TAOK3: variants seen among roughly 807,000 people sequenced by gnomAD.
TAOK3 encodes the protein TAO kinase 3.
In TAOK3, 40 loss-of-function variants were observed where a neutral mutation model predicts 120.4. The ratio of observed to expected loss-of-function variants is 0.33; its 90% CI spans 0.26 to 0.43. TAOK3 has a LOEUF of 0.43. TAOK3 is among the 20% of genes least tolerant of loss of function. The pLI, the probability that TAOK3 is intolerant of heterozygous loss-of-function variation, is 1.00. For missense variants in TAOK3, 821 were observed against 1,112.1 expected (o/e 0.74, Z 3.72); for synonymous variants, 355 against 387.5 (o/e 0.92, Z 0.99).
In TAOK3 at chr12:118,189,794, G is replaced by A; in HGVS notation, c.1329+13C>T. ...GGAAGGAAGGGAAGGTGGGTAGAGG[G>A]GTGTTTGCTTACCAAAGATGCTGAT... On this transcript the variant is annotated intron_variant, in intron 14 of 20. Transcript: ENST00000392533. The A allele has an allele frequency of 1.2e-6, 2 of 1,614,026 alleles. No individual in the cohort carries two copies. Among genetic ancestry groups the A allele is most frequent in the Non-Finnish European group, 1.7e-6 (2 of 1,179,968 alleles).
At chr12:118,218,250 T>C (rs1284029071) in intron 9 of TAOK3, among the ~76,000 whole-genome samples, 1 of 152,086 alleles carries the variant, frequency 6.6e-6, no homozygotes, top group Non-Finnish European at 1.5e-5. Context: ...TTATATCTGT[T>C]TCAAATGCAA....
At chr12:118,368,204 T>C (rs1322521723) in intron 1 of TAOK3, among the ~76,000 whole-genome samples, 1 of 152,146 alleles carries the variant, frequency 6.6e-6, no homozygotes, top group Non-Finnish European at 1.5e-5. Flanking sequence ...TGGTTATTAT[T>C]ATTATTTTTT....
Position 118,220,540 on chromosome 12 carries a change from TA to T in TAOK3, c.644-6431del, listed in dbSNP as rs200969487. 4.7e-5 allele frequency among the ~76,000 whole-genome samples: 7 copies of T among 147,888 alleles called. No individual in the cohort carries two copies. In the East Asian group the frequency reaches 8.0e-4, roughly 17 times the overall value. Reference sequence around the variant, plus strand: ...ACCCTCCCACTTACTGGCAAAAGGTTAAAAAAAAACAATCCCAGCTTCTCAG... The same window carrying T: ...ACCCTCCCACTTACTGGCAAAAGGTTAAAAAAAACAATCCCAGCTTCTCAG... On this transcript the variant is annotated intron_variant, in intron 9 of 20. Coordinates refer to ENST00000392533, the MANE Select transcript of TAOK3 (RefSeq NM_016281.4).
Position 118,172,560 on chromosome 12 carries a change from T to C in TAOK3, c.1796A>G (p.His599Arg). Residue 599 changes from histidine (H) to arginine (R), a missense_variant, in exon 17 of 21, where the codon CAC (histidine) becomes CGC (arginine). Transcript: ENST00000392533. ...LQHTQAEEEA[H>R]LLTQQRLYYD... is the part of the protein sequence containing the mutation. ...GTACAGTCTCTGTTGAGTGAGAAGG[T>C]GGGCTTCCTCTTCAGCCTGTGTGTG... 1 of 1,614,184 alleles carries C rather than the reference T, an allele frequency of 6.2e-7. No individual in the cohort carries two copies. Among genetic ancestry groups the C allele is most frequent in the South Asian group, 1.1e-5 (1 of 91,086 alleles).
At chr12:118,182,624 T>TATA (rs371618546) in intron 14 of TAOK3, among the ~76,000 whole-genome samples, 1,520 of 59,040 alleles carry the variant, frequency 0.026, 10 homozygotes, top group Non-Finnish European at 0.034. Flanking sequence ...TATATATATA[T>TATA]TTTTTTTTTT....
At chr12:118,245,068 T>C in intron 3 of TAOK3, 103 bp from the exon 4 acceptor site, 1 of 711,182 alleles carries the variant, frequency 1.4e-6, no homozygotes, top group Non-Finnish European at 2.2e-6. Flanking sequence ...ATTTATTTAT[T>C]GACAGTCTCA....
chr12:118,337,112 T>G (rs2044400379), intron 1 of TAOK3, among the ~76,000 whole-genome samples: 1 of 152,112 alleles, frequency 6.6e-6, no homozygotes, highest in Admixed American at 6.5e-5. Flanking sequence ...GGAATTTCAC[T>G]AAAGAGGATT....
intron 9 of TAOK3, among the ~76,000 whole-genome samples, chr12:118,226,488 C>T (rs1218786731): frequency 6.8e-6 from 1 of 148,072 alleles, no homozygotes; most frequent in Non-Finnish European, 1.5e-5. Flanking sequence ...GAGCCGAGAT[C>T]GTGCCACTGC....
At chr12:118,168,578 C>G (rs1397712849) in intron 17 of TAOK3, among the ~76,000 whole-genome samples, 1 of 152,120 alleles carries the variant, frequency 6.6e-6, no homozygotes, top group Non-Finnish European at 1.5e-5. Context: ...TCTTGAGTTA[C>G]TTTTGTAAAT....
At chr12:118,306,953 G>C (rs181493029) in intron 1 of TAOK3, among the ~76,000 whole-genome samples, 77 of 152,264 alleles carry the variant, frequency 5.1e-4, no homozygotes, top group Non-Finnish European at 1.0e-3. Flanking sequence ...CAGAAGAACG[G>C]AATTTTTAAG....
intron 9 of TAOK3, among the ~76,000 whole-genome samples, chr12:118,222,224 G>A (rs1257196549): frequency 6.6e-6 from 1 of 152,090 alleles, no homozygotes; most frequent in Non-Finnish European, 1.5e-5. Flanking sequence ...AGTGCCCACT[G>A]ACCAAGGAGT....
intron 9 of TAOK3, among the ~76,000 whole-genome samples, chr12:118,229,955 C>T (rs2039689755): frequency 6.6e-6 from 1 of 151,992 alleles, no homozygotes; most frequent in Non-Finnish European, 1.5e-5. Context: ...ATAACACTTA[C>T]ATAGTGCTTA....
At chr12:118,159,749 T>G (rs1020801115) in intron 19 of TAOK3, 9 of 267,198 alleles carry the variant, frequency 3.4e-5, no homozygotes, top group Admixed American at 1.0e-4. Context: ...AGTGTGTCTG[T>G]GTATCTGTCT....
At chr12:118,367,644 C>T (rs956637291) in intron 1 of TAOK3, among the ~76,000 whole-genome samples, 3 of 152,034 alleles carry the variant, frequency 2.0e-5, no homozygotes, top group Admixed American at 6.6e-5. Context: ...AAATTAAATT[C>T]CCTATGCTGA....
chr12:118,343,004 A>G (rs900698121), intron 1 of TAOK3, among the ~76,000 whole-genome samples: 5 of 151,606 alleles, frequency 3.3e-5, no homozygotes, highest in African/African-American at 4.9e-5. Context: ...CAATATTTGC[A>G]TATCAACTTC....
At chr12:118,169,441 C>CG (rs1383860545) in intron 17 of TAOK3, among the ~76,000 whole-genome samples, 1 of 150,618 alleles carries the variant, frequency 6.6e-6, no homozygotes, top group African/African-American at 2.4e-5. Flanking sequence ...CTCAGCCTCC[C>CG]GAGTAGCTGG....
rs964145804 is a variant in TAOK3 at position 118,317,071 on chromosome 12, T to C, written c.-193-50312A>G. On this transcript the variant is annotated intron_variant, in intron 1 of 20. Transcript: ENST00000392533. ...TGAGCTCAGGAGTTCGAGACCAGCCTGGCCAACATGGCGAAGCCCCGTCTC... is the reference window on the plus strand; with the variant it reads ...TGAGCTCAGGAGTTCGAGACCAGCCCGGCCAACATGGCGAAGCCCCGTCTC... Among the ~76,000 whole-genome samples the C allele has an allele frequency of 4.4e-4, 67 of 151,976 alleles. 1 individual carries two copies. The highest frequency in any genetic ancestry group is 8.4e-4 in the Non-Finnish European group (57 of 67,992).
chr12:118,339,369 C>T (rs894107455), intron 1 of TAOK3, among the ~76,000 whole-genome samples: 1 of 147,590 alleles, frequency 6.8e-6, no homozygotes, highest in Non-Finnish European at 1.5e-5. Flanking sequence ...ACCGCAACCT[C>T]CGCCTCCAGC....
chr12:118,361,560 C>T (rs139575374), intron 1 of TAOK3, among the ~76,000 whole-genome samples: 4,605 of 146,868 alleles, frequency 0.031, 106 homozygotes, highest in Non-Finnish European at 0.043. Flanking sequence ...TGGGTTCAAG[C>T]GATTCTCATG....
Sources: gnomAD v4.1 joint callset for allele counts (sites outside exome capture counted in the v4.1 genomes callset) on GRCh38, gnomAD v4.1.1 for gene constraint, MANE v1.5 for transcripts, NCBI Gene and HGNC (gene_info 2026-07-23, HGNC 2026-07-21) for gene names.